RNF145: variants seen among roughly 807,000 people sequenced by gnomAD.
The protein encoded by RNF145 is ring finger protein 145.
A neutral mutation model predicts 57.3 loss-of-function variants in RNF145; 12 were observed. The observed-to-expected ratio is 0.21, with a 90% confidence interval of 0.13 to 0.34. RNF145 has a LOEUF of 0.34. Ranked by LOEUF, RNF145 falls within the 10% of genes least tolerant of loss-of-function variation. The pLI, the probability that RNF145 is intolerant of heterozygous loss-of-function variation, is 1.00. For synonymous variants in RNF145, 262 were observed against 288.3 expected, an observed-to-expected ratio of 0.91 and a Z score of 0.92; for missense variants, 429 against 799.0, an observed-to-expected ratio of 0.54 and a Z score of 5.58.
At chr5:159,168,263 T>C (rs975062031) in intron 8 of RNF145, among the ~76,000 whole-genome samples, 6 of 152,098 alleles carry the variant, frequency 3.9e-5, no homozygotes, top group African/African-American at 1.4e-4. Context: ...ATCAATAAAA[T>C]ATAGAGAGTT....
At chr5:159,175,243 A>C (rs1306105098) in intron 5 of RNF145, among the ~76,000 whole-genome samples, 3 of 152,174 alleles carry the variant, frequency 2.0e-5, no homozygotes, top group African/African-American at 7.2e-5. Flanking sequence ...ATTATCAGGT[A>C]AACTCATCAT....
chr5:159,204,827 A>AAAAG lies in RNF145; in HGVS notation c.-39-1172_-39-1171insCTTT, dbSNP rs147292059. On this transcript the variant is annotated intron_variant, in intron 1 of 10. Transcript: ENST00000424310. Reference sequence around the variant, plus strand: ...TCAAAAAAAAAAAAAAAAAAAAAAAAGCAAACAAAAGTGGGTAAAGAACAA... The same window carrying AAAAG: ...TCAAAAAAAAAAAAAAAAAAAAAAAAAAAGGCAAACAAAAGTGGGTAAAGAACAA... 4.0e-4 allele frequency among the ~76,000 whole-genome samples: 42 copies of AAAAG among 105,648 alleles called. 1 individual carries two copies. Among genetic ancestry groups the AAAAG allele is most frequent in the African/African-American group, 1.2e-3 (30 of 24,866 alleles). 69.3% of individuals were successfully genotyped at this position (105,648 alleles called of 152,430 possible). A position where few individuals can be genotyped will look rare whatever the true frequency, so the allele number is the denominator to read the frequency against.
At chr5:159,165,780 C>T (rs575532482) in intron 8 of RNF145, among the ~76,000 whole-genome samples, 2 of 150,504 alleles carry the variant, frequency 1.3e-5, no homozygotes, top group African/African-American at 2.4e-5. Flanking sequence ...TTTTTTACCT[C>T]GTGCTGCTAT....
At chr5:159,206,871 A>T (rs1785905600) in intron 1 of RNF145, among the ~76,000 whole-genome samples, 1 of 152,194 alleles carries the variant, frequency 6.6e-6, no homozygotes, top group South Asian at 2.1e-4. Context: ...AAGAACTGGG[A>T]AAGTAATATC....
At position 159,157,690 on chromosome 5, in the gene RNF145, C is replaced by CTAT. The variant is rs1474440840; in HGVS notation, c.*977_*979dup. 6.5e-6 allele frequency: 1 copy of CTAT among 152,702 alleles called. No homozygotes were observed. Among genetic ancestry groups the CTAT allele is most frequent in the Non-Finnish European group, 1.5e-5 (1 of 68,026 alleles). 9.5% of individuals were successfully genotyped at this position (152,702 alleles called of 1,614,324 possible). ...CCTTGTCAAAGAAAAGGTGCAAAGT[C>CTAT]TATTAACAGCTTTAAAAGTGGCATT... On this transcript the variant is annotated 3_prime_UTR_variant, in exon 11 of 11. Transcript: ENST00000424310.
At chr5:159,159,712 T>C (rs553053328) in intron 10 of RNF145, among the ~76,000 whole-genome samples, 2 of 152,368 alleles carry the variant, frequency 1.3e-5, no homozygotes, top group South Asian at 2.1e-4. Context: ...GTGACTTTTA[T>C]ACACTCACAT....
At chr5:159,180,665 A>G (rs1784861205) in intron 4 of RNF145, among the ~76,000 whole-genome samples, 1 of 152,156 alleles carries the variant, frequency 6.6e-6, no homozygotes, top group African/African-American at 2.4e-5. Context: ...TGAAATCAAC[A>G]ATATATTTTA....
intron 3 of RNF145, among the ~76,000 whole-genome samples, chr5:159,192,549 T>C (rs751510396): frequency 6.6e-6 from 1 of 152,192 alleles, no homozygotes; most frequent in Non-Finnish European, 1.5e-5. Flanking sequence ...CATGTAAAAA[T>C]CATTTTTTAA....
intron 8 of RNF145, among the ~76,000 whole-genome samples, chr5:159,165,083 G>A (rs1326548276): frequency 6.8e-6 from 1 of 147,650 alleles, no homozygotes; most frequent in Non-Finnish European, 1.5e-5. Context: ...ACGATGTACT[G>A]TCATCATTTG....
intron 3 of RNF145, among the ~76,000 whole-genome samples, chr5:159,192,404 G>T (rs867249616): frequency 2.3e-4 from 35 of 152,112 alleles, no homozygotes; most frequent in African/African-American, 8.4e-4. Flanking sequence ...CAGGCTCACA[G>T]TTTTTCACCC....
intron 3 of RNF145, among the ~76,000 whole-genome samples, chr5:159,190,984 T>C (rs1785270415): frequency 6.6e-6 from 1 of 150,794 alleles, no homozygotes; most frequent in Non-Finnish European, 1.5e-5. Flanking sequence ...TGGCATTGTC[T>C]ACAAAGGGGT....
At chr5:159,164,106 A>T (rs936320553) in intron 8 of RNF145, among the ~76,000 whole-genome samples, 1 of 152,202 alleles carries the variant, frequency 6.6e-6, no homozygotes, top group Non-Finnish European at 1.5e-5. Flanking sequence ...AAGTTACCAC[A>T]CACAAGGTCA....
intron 3 of RNF145, among the ~76,000 whole-genome samples, chr5:159,182,608 T>C (rs55931437): frequency 0.12 from 18,356 of 152,164 alleles, 1,452 homozygotes; most frequent in South Asian, 0.2. Context: ...TTAAGTAGGC[T>C]ACATATTTAC....
In RNF145 at chr5:159,174,172, T is replaced by TG. The variant is rs1489605847; in HGVS notation, c.622-15_622-14insC. ...TACCTCCACTACCTAAATAAAAACG[T>TG]AAGATAGGAAAACTTCTTGCATCAC... On this transcript the variant is annotated splice_polypyrimidine_tract_variant and intron_variant, in intron 5 of 10. Transcript: ENST00000424310. 4.4e-6 allele frequency: 7 copies of TG among 1,574,988 alleles called. No homozygotes were observed. In the African/African-American group the frequency reaches 9.6e-5, roughly 22 times the overall value.
At chr5:159,164,754 A>G (rs987108165) in intron 8 of RNF145, among the ~76,000 whole-genome samples, 5 of 152,232 alleles carry the variant, frequency 3.3e-5, no homozygotes, top group Non-Finnish European at 5.9e-5. Context: ...ACATAATTTG[A>G]ATAAGTAGAC....
At position 159,190,737 on chromosome 5, in the gene RNF145, C is replaced by CCATT. The variant is rs1428185656; in HGVS notation, c.293+3975_293+3978dup. Among the ~76,000 whole-genome samples, 7 of 149,438 alleles carry CCATT rather than the reference C, an allele frequency of 4.7e-5. No homozygotes were observed. In the South Asian group the frequency reaches 1.5e-3, roughly 32 times the overall value. ...TTATGAAGCTCCACAGAAATCTGAA[C>CCATT]CATTATTTTTTTAAAACTAAAACCT... On this transcript the variant is annotated intron_variant, in intron 3 of 10. Transcript: ENST00000424310.
At chr5:159,191,936 A>G (rs1331131805) in intron 3 of RNF145, among the ~76,000 whole-genome samples, 1 of 151,928 alleles carries the variant, frequency 6.6e-6, no homozygotes, top group African/African-American at 2.4e-5. Context: ...CTTTTTCCTT[A>G]TATACCAGAA....
chr5:159,197,131 A>G (rs1785487540), intron 2 of RNF145, among the ~76,000 whole-genome samples: 2 of 152,246 alleles, frequency 1.3e-5, no homozygotes, highest in Non-Finnish European at 2.9e-5. Flanking sequence ...ATAAATGAAC[A>G]TTGGAAGGGC....
intron 3 of RNF145, 99 bp downstream of exon 3, chr5:159,194,617 G>C: frequency 1.3e-6 from 1 of 775,470 alleles, no homozygotes; most frequent in Non-Finnish European, 2.2e-6. Flanking sequence ...ACCTACCAAA[G>C]CCTTAGCTTT....
Sources: allele counts gnomAD v4.1 joint callset (sites outside exome capture counted in the v4.1 genomes callset), GRCh38; gene constraint gnomAD v4.1.1; transcripts MANE v1.5; gene names NCBI Gene and HGNC (gene_info 2026-07-23, HGNC 2026-07-21).